PLCG2: variants seen among roughly 807,000 people sequenced by gnomAD.
The protein encoded by PLCG2 is phospholipase C gamma 2.
In PLCG2, 69 loss-of-function variants were observed where a neutral mutation model predicts 175.6. The observed-to-expected ratio is 0.39, with a 90% confidence interval of 0.32 to 0.48. The LOEUF (loss-of-function observed/expected upper bound fraction) is 0.48. Ranked by LOEUF, PLCG2 falls within the 20% of genes least tolerant of loss-of-function variation. The pLI is 0.91. For missense variants in PLCG2, 1,798 were observed against 1,650.9 expected, an observed-to-expected ratio of 1.09 and a Z score of -1.54; for synonymous variants, 827 against 624.0, an observed-to-expected ratio of 1.33 and a Z score of -4.85.
In PLCG2 at chr16:81,936,379, G is replaced by T. The variant is rs1341131095; in HGVS notation, c.3052+1G>T. On this transcript the variant is annotated splice_donor_variant, in intron 27 of 32. Transcript: ENST00000564138. LOFTEE classifies it high-confidence loss of function. ...GTGGCACTCAATTTCCAGACGGCAGGTAAAGGCCGACTGAAGGTAGTCCCG... is the reference window on the plus strand; with the variant it reads ...GTGGCACTCAATTTCCAGACGGCAGTTAAAGGCCGACTGAAGGTAGTCCCG... The T allele has an allele frequency of 6.2e-7, 1 of 1,612,826 alleles. No individual in the cohort carries two copies. The highest frequency in any genetic ancestry group is 8.5e-7 in the Non-Finnish European group (1 of 1,179,562).
intron 30 of PLCG2, among the ~76,000 whole-genome samples, chr16:81,943,905 C>T (rs1012188241): frequency 3.3e-5 from 5 of 152,110 alleles, no homozygotes; most frequent in African/African-American, 1.2e-4. Flanking sequence ...CAAACTGTCA[C>T]TCAAGTATAA....
intron 2 of PLCG2, among the ~76,000 whole-genome samples, chr16:81,760,197 G>A (rs1399762596): frequency 6.6e-6 from 1 of 152,216 alleles, no homozygotes; most frequent in African/African-American, 2.4e-5. Flanking sequence ...CAGGAGGGCA[G>A]AGATCCAGGT....
intron 2 of PLCG2, among the ~76,000 whole-genome samples, chr16:81,769,718 G>A (rs1317291041): frequency 2.0e-5 from 3 of 150,372 alleles, no homozygotes; most frequent in Non-Finnish European, 4.5e-5. Context: ...TACTTGGGAG[G>A]CTGAGGCAGG....
intron 1 of PLCG2, chr16:81,782,998 A>T (rs1283933297): frequency 4.9e-6 from 2 of 410,140 alleles, no homozygotes; most frequent in Non-Finnish European, 9.6e-6. Context: ...TCTGGTGTTT[A>T]TGGCTGAGTT....
intron 2 of PLCG2, among the ~76,000 whole-genome samples, chr16:81,842,557 C>G (rs113206957): frequency 6.6e-6 from 1 of 152,114 alleles, no homozygotes; most frequent in Non-Finnish European, 1.5e-5. Context: ...TCTGTTTGCT[C>G]GCTTGAATAT....
intron 9 of PLCG2, among the ~76,000 whole-genome samples, chr16:81,885,204 A>G (rs1365901640): frequency 1.3e-5 from 2 of 151,968 alleles, no homozygotes; most frequent in South Asian, 4.1e-4. Context: ...TTGTATTTTT[A>G]ATAGAGTCGG....
intron 1 of PLCG2, among the ~76,000 whole-genome samples, chr16:81,750,125 T>C (rs1171676260): frequency 6.6e-6 from 1 of 152,154 alleles, no homozygotes; most frequent in African/African-American, 2.4e-5. Context: ...TCCAGCAATT[T>C]GGCTGGGTGT....
intron 2 of PLCG2, among the ~76,000 whole-genome samples, chr16:81,773,023 C>A (rs919992399): frequency 6.6e-5 from 10 of 152,172 alleles, no homozygotes; most frequent in Admixed American, 6.5e-5. Context: ...TCTTGGGCAT[C>A]CTCTCATGAT....
intron 24 of PLCG2, chr16:81,928,926 T>C (rs35401283): frequency 0.12 from 38,660 of 334,894 alleles, 2,539 homozygotes; most frequent in Non-Finnish European, 0.14. Context: ...GTGTTTCCCA[T>C]GCGTTGCGAA....
intron 1 of PLCG2, among the ~76,000 whole-genome samples, chr16:81,749,801 C>T (rs1443641872): frequency 6.6e-6 from 1 of 152,202 alleles, no homozygotes; most frequent in Non-Finnish European, 1.5e-5. Flanking sequence ...TGTGGATATA[C>T]TCACCCCACT....
At chr16:81,900,811 C>T (rs755297015) in intron 14 of PLCG2, 31 bp downstream of exon 14, 3 of 1,577,556 alleles carry the variant, frequency 1.9e-6, no homozygotes, top group Non-Finnish European at 2.6e-6. Flanking sequence ...TGTTGGCTGT[C>T]CAGGGAGCCC....
chr16:81,882,352 G>C (rs751988898), intron 8 of PLCG2, among the ~76,000 whole-genome samples: 2 of 152,126 alleles, frequency 1.3e-5, no homozygotes, highest in African/African-American at 2.4e-5. Context: ...GTCCAGGGAA[G>C]TGTCTTTCAC....
At chr16:81,907,642 G>A in intron 15 of PLCG2, 43 bp from the exon 16 acceptor site, 1 of 1,418,040 alleles carries the variant, frequency 7.1e-7, no homozygotes, top group South Asian at 1.2e-5. Flanking sequence ...CAGTTGATGA[G>A]GTAGAGGACT....
At chr16:81,860,250 C>G (rs1010591571) in intron 5 of PLCG2, among the ~76,000 whole-genome samples, 1 of 125,574 alleles carries the variant, frequency 8.0e-6, no homozygotes, top group Non-Finnish European at 1.7e-5. Context: ...TTTGGTTTTT[C>G]TTTAGATTAA....
chr16:81,873,023 G>T (rs1351940746), intron 7 of PLCG2, among the ~76,000 whole-genome samples: 1 of 152,182 alleles, frequency 6.6e-6, no homozygotes, highest in Non-Finnish European at 1.5e-5. Context: ...CCCAGATTTG[G>T]GGAAAACATA....
intron 7 of PLCG2, 92 bp from the exon 8 acceptor site, chr16:81,880,818 A>G (rs989781187): frequency 2.0e-5 from 23 of 1,159,552 alleles, no homozygotes; most frequent in Non-Finnish European, 3.0e-5. Context: ...GCATCTGACA[A>G]AATGATGCTT....
intron 30 of PLCG2, among the ~76,000 whole-genome samples, chr16:81,941,629 A>G (rs145469230): frequency 6.6e-6 from 1 of 151,874 alleles, no homozygotes; most frequent in African/African-American, 2.4e-5. Flanking sequence ...AGCAATAATA[A>G]TGAGTATTCA....
At chr16:81,804,797 G>A (rs777617069) in intron 2 of PLCG2, among the ~76,000 whole-genome samples, 1 of 152,192 alleles carries the variant, frequency 6.6e-6, no homozygotes, top group Non-Finnish European at 1.5e-5. Flanking sequence ...CTCCTAAGAG[G>A]AACCTGGAGA....
intron 30 of PLCG2, among the ~76,000 whole-genome samples, 168 bp from the exon 31 acceptor site, chr16:81,946,007 T>G (rs1003611433): frequency 2.0e-5 from 3 of 152,214 alleles, no homozygotes; most frequent in African/African-American, 7.2e-5. Context: ...CCTCTGTCCC[T>G]AACCATCAGG....
Sources: allele counts gnomAD v4.1 joint callset (sites outside exome capture counted in the v4.1 genomes callset), GRCh38; gene constraint gnomAD v4.1.1; transcripts MANE v1.5; gene names NCBI Gene and HGNC (gene_info 2026-07-23, HGNC 2026-07-21).